SEMA3A: variants seen among roughly 807,000 people sequenced by gnomAD.
SEMA3A encodes the protein semaphorin-3A.
Under a neutral mutation model 97.9 loss-of-function variants are expected in SEMA3A, and 29 were observed. That is an observed-to-expected ratio of 0.30 (90% CI 0.22 to 0.40). The LOEUF (loss-of-function observed/expected upper bound fraction) is 0.40. Among genes scored for constraint, SEMA3A ranks in the 10% least tolerant of loss-of-function variants. The pLI, the probability that SEMA3A is intolerant of heterozygous loss-of-function variation, is 1.00. For synonymous variants in SEMA3A, 321 were observed against 323.7 expected (o/e 0.99, Z 0.09); for missense variants, 763 against 951.3 (o/e 0.80, Z 2.60).
In SEMA3A at chr7:84,377,821, A is replaced by G. The variant is rs1267808956; in HGVS notation, c.-245-5921T>C. Among the ~76,000 whole-genome samples, 11 of 152,164 alleles carry G rather than the reference A, an allele frequency of 7.2e-5. No individual in the cohort carries two copies. In the East Asian group the frequency reaches 2.1e-3, roughly 29 times the overall value. ...GGTGTCCATCATTGGTTCAAAGTGG[A>G]AAACCAATTGAACTTCAGCTGTGAC... On this transcript the variant is annotated intron_variant, in intron 1 of 3. Coordinates refer to the SEMA3A transcript ENST00000424555.
chr7:84,165,856 C>G (rs953642732), intron 1 of SEMA3A, among the ~76,000 whole-genome samples: 3 of 152,022 alleles, frequency 2.0e-5, no homozygotes, highest in African/African-American at 7.2e-5. Context: ...CCCGGCCTAC[C>G]AATACCTTCT....
intron 15 of SEMA3A, among the ~76,000 whole-genome samples, chr7:83,964,066 A>G (rs571365090): frequency 8.5e-5 from 13 of 152,300 alleles, no homozygotes; most frequent in Middle Eastern, 3.4e-3. Context: ...AATAAGGCAA[A>G]AGTACATAAT....
At chr7:84,111,755 A>G (rs982570105) in intron 3 of SEMA3A, among the ~76,000 whole-genome samples, 1 of 152,172 alleles carries the variant, frequency 6.6e-6, no homozygotes, top group Non-Finnish European at 1.5e-5. Context: ...TTTGCTACAC[A>G]GATCCTAAGT....
chr7:84,124,337 G>A (rs975269272), intron 3 of SEMA3A, among the ~76,000 whole-genome samples: 2 of 152,116 alleles, frequency 1.3e-5, no homozygotes, highest in African/African-American at 2.4e-5. Context: ...TGCAGGCTCC[G>A]GAAATCAGGG....
At chr7:84,480,087 C>T (rs1295943437) in intron 1 of SEMA3A, among the ~76,000 whole-genome samples, 2 of 152,188 alleles carry the variant, frequency 1.3e-5, no homozygotes, top group Non-Finnish European at 2.9e-5. Flanking sequence ...AAGAAGTTTA[C>T]TAAAGCAAGA....
At chr7:84,446,529 A>T (rs1410876499) in intron 1 of SEMA3A, among the ~76,000 whole-genome samples, 1 of 152,236 alleles carries the variant, frequency 6.6e-6, no homozygotes, top group Non-Finnish European at 1.5e-5. Flanking sequence ...AGAAAAAATA[A>T]TCTTGTAATA....
chr7:84,339,181 T>G (rs1042730036), intron 2 of SEMA3A, among the ~76,000 whole-genome samples: 1 of 152,002 alleles, frequency 6.6e-6, no homozygotes, highest in South Asian at 2.1e-4. Context: ...TCAATGTAAT[T>G]GCCCTCTATT....
At chr7:84,055,519 C>T (rs1032589425) in intron 5 of SEMA3A, among the ~76,000 whole-genome samples, 1 of 152,174 alleles carries the variant, frequency 6.6e-6, no homozygotes, top group African/African-American at 2.4e-5. Flanking sequence ...ACTCCCTGAC[C>T]CCTTGCGCTT....
At chr7:84,326,551 A>C (rs1407853986) in intron 2 of SEMA3A, among the ~76,000 whole-genome samples, 1 of 152,042 alleles carries the variant, frequency 6.6e-6, no homozygotes, top group African/African-American at 2.4e-5. Flanking sequence ...GTATTTAATA[A>C]ATATTTTATG....
At chr7:84,064,964 T>G (rs1291684366) in intron 4 of SEMA3A, among the ~76,000 whole-genome samples, 1 of 152,240 alleles carries the variant, frequency 6.6e-6, no homozygotes, top group African/African-American at 2.4e-5. Flanking sequence ...CAACAGAATA[T>G]ACATTTTTTC....
At chr7:84,455,300 A>C (rs2116375057) in intron 1 of SEMA3A, among the ~76,000 whole-genome samples, 1 of 152,104 alleles carries the variant, frequency 6.6e-6, no homozygotes, top group Non-Finnish European at 1.5e-5. Flanking sequence ...ACATTGTATA[A>C]GTTAAATACT....
intron 2 of SEMA3A, among the ~76,000 whole-genome samples, chr7:84,330,941 C>T (rs896698679): frequency 6.6e-6 from 1 of 152,042 alleles, no homozygotes; most frequent in Admixed American, 6.6e-5. Flanking sequence ...GCATTCAAGA[C>T]ATAAACCAAT....
intron 4 of SEMA3A, among the ~76,000 whole-genome samples, chr7:84,075,458 CTTTTT>C (rs35489504): frequency 8.4e-6 from 1 of 119,278 alleles, no homozygotes; most frequent in Non-Finnish European, 1.7e-5. Flanking sequence ...TGCACCTGGT[CTTTTT>C]TTTTTTTTTT....
intron 1 of SEMA3A, among the ~76,000 whole-genome samples, chr7:84,480,899 A>AAAAT (rs1292499060): frequency 6.6e-6 from 1 of 152,288 alleles, no homozygotes; most frequent in East Asian, 1.9e-4. Flanking sequence ...AAAATAAAAT[A>AAAAT]AAATAAATAA....
chr7:84,392,726 A>G (rs1279705648), intron 1 of SEMA3A, among the ~76,000 whole-genome samples: 1 of 152,178 alleles, frequency 6.6e-6, no homozygotes, highest in Non-Finnish European at 1.5e-5. Flanking sequence ...CTTTTTAATA[A>G]TAACCATTTT....
intron 1 of SEMA3A, among the ~76,000 whole-genome samples, chr7:84,424,408 T>C (rs1804687484): frequency 7.5e-6 from 1 of 132,966 alleles, no homozygotes; most frequent in Non-Finnish European, 1.5e-5. Flanking sequence ...TGAAATATAA[T>C]ATATAATATA....
In SEMA3A at chr7:84,129,165, G is replaced by A. The variant is rs1426224969; in HGVS notation, c.291C>T (p.Tyr97=). ...CCCACTTGCATTCATCTCTTCTGGTGTAAGATACTGGCCACACAATCTAAG... is the reference window on the plus strand; with the variant it reads ...CCCACTTGCATTCATCTCTTCTGGTATAAGATACTGGCCACACAATCTAAG... ...DFQKIVWPVS[Y]TRRDECKWAG... The change falls in exon 3 of 17, where the codon TAC becomes TAT. Residue 97 remains tyrosine, a synonymous_variant. Coordinates refer to ENST00000265362, the MANE Select transcript of SEMA3A (RefSeq NM_006080.3). 1 of 1,612,928 alleles carries A rather than the reference G, an allele frequency of 6.2e-7. No homozygotes were observed. The highest frequency in any genetic ancestry group is 8.5e-7 in the Non-Finnish European group (1 of 1,179,054).
intron 1 of SEMA3A, among the ~76,000 whole-genome samples, chr7:84,462,087 C>T (rs779942701): frequency 4.6e-5 from 7 of 152,072 alleles, no homozygotes; most frequent in Non-Finnish European, 1.5e-5. Context: ...ATTTCTCTCT[C>T]TTCGTGAATA....
intron 12 of SEMA3A, among the ~76,000 whole-genome samples, chr7:83,987,222 G>A (rs1427926626): frequency 2.6e-5 from 4 of 151,438 alleles, no homozygotes; most frequent in Admixed American, 2.6e-4. Flanking sequence ...TGCAGGTTTG[G>A]GGCAAGAGTA....
Sources: gnomAD v4.1 joint callset for allele counts (sites outside exome capture counted in the v4.1 genomes callset) on GRCh38, gnomAD v4.1.1 for gene constraint, MANE v1.5 for transcripts, NCBI Gene and HGNC (gene_info 2026-07-23, HGNC 2026-07-21) for gene names.